The following EDA variants were observed in gnomAD, a reference collection of about 807,000 sequenced individuals.
The protein encoded by EDA is ectodysplasin-A.
A neutral mutation model predicts 23.6 loss-of-function variants in EDA; 2 were observed. The ratio of observed to expected loss-of-function variants is 0.08; its 90% CI spans 0.03 to 0.27. The LOEUF is 0.27. Among genes scored for constraint, EDA ranks in the 10% least tolerant of loss-of-function variants. The probability of loss-of-function intolerance (pLI) is 1.00; values close to 1 mark genes in which losing one functional copy is unlikely to be tolerated. For missense variants in EDA, 229 were observed against 324.2 expected (o/e 0.71, Z 2.26); for synonymous variants, 131 against 132.0 (o/e 0.99, Z 0.05).
chrX:69,753,546 A>G (rs1483059864), intron 1 of EDA, among the ~76,000 whole-genome samples: 2 of 112,188 alleles, frequency 1.8e-5, no homozygotes, highest in Middle Eastern at 4.6e-3. Flanking sequence ...AGAAGAATGT[A>G]TATTCTGTTG....
intron 1 of EDA, among the ~76,000 whole-genome samples, chrX:69,865,548 C>T (rs1351080555): frequency 9.0e-6 from 1 of 111,521 alleles, no homozygotes; most frequent in Non-Finnish European, 1.9e-5. Context: ...AGATCGTGCC[C>T]ACCAGATTAA....
intron 1 of EDA, among the ~76,000 whole-genome samples, chrX:69,843,142 A>G (rs527645058): frequency 8.9e-6 from 1 of 112,493 alleles, no homozygotes; most frequent in Non-Finnish European, 1.9e-5. Context: ...CTAGAAAAAT[A>G]AGGTGCAGCA....
chrX:69,831,959 G>A (rs745843975), intron 1 of EDA, among the ~76,000 whole-genome samples: 2 of 110,763 alleles, frequency 1.8e-5, no homozygotes, highest in East Asian at 2.8e-4. Context: ...ATGGGTAGAC[G>A]GCAAAAATTT....
chrX:69,636,263 T>A (rs1340866025), intron 1 of EDA, among the ~76,000 whole-genome samples: 3 of 109,803 alleles, frequency 2.7e-5, no homozygotes, highest in African/African-American at 1.0e-4. Flanking sequence ...TCTTCCTTGC[T>A]CCCTTTCTCA....
At chrX:69,802,643 T>C (rs1347285535) in intron 1 of EDA, among the ~76,000 whole-genome samples, 1 of 110,994 alleles carries the variant, frequency 9.0e-6, no homozygotes, top group Non-Finnish European at 1.9e-5. Flanking sequence ...TAACCAACTG[T>C]ATGTCCTTAG....
intron 2 of EDA, among the ~76,000 whole-genome samples, chrX:69,961,308 C>T (rs760164440): frequency 3.6e-5 from 4 of 111,193 alleles, no homozygotes; most frequent in African/African-American, 1.3e-4. Context: ...AGATATTAAG[C>T]TTAATGATCT....
chrX:69,772,144 G>A (rs1314949549), intron 1 of EDA, among the ~76,000 whole-genome samples: 1 of 110,809 alleles, frequency 9.0e-6, no homozygotes, highest in African/African-American at 3.3e-5. Context: ...ATATTTTCTA[G>A]AGACAAGTTT....
chrX:69,630,870 A>C (rs991735837), intron 1 of EDA, among the ~76,000 whole-genome samples: 1 of 111,396 alleles, frequency 9.0e-6, no homozygotes, highest in African/African-American at 3.3e-5. Context: ...TATTTCCACA[A>C]GTTGTAGAGG....
intron 1 of EDA, among the ~76,000 whole-genome samples, chrX:69,783,236 T>C (rs959968805): frequency 5.4e-5 from 6 of 111,890 alleles, no homozygotes; most frequent in Non-Finnish European, 1.1e-4. Flanking sequence ...ATGGAAATCT[T>C]TAAGCAGTTT....
At chrX:69,761,864 A>G (rs1360011120) in intron 1 of EDA, among the ~76,000 whole-genome samples, 1 of 111,827 alleles carries the variant, frequency 8.9e-6, no homozygotes, top group Non-Finnish European at 1.9e-5. Context: ...AACCAAACAA[A>G]TATGCTTGTT....
intron 1 of EDA, among the ~76,000 whole-genome samples, chrX:69,678,303 G>A (rs1235357518): frequency 1.9e-4 from 21 of 109,578 alleles, no homozygotes; most frequent in African/African-American, 4.6e-4. Flanking sequence ...TTGGTGATGC[G>A]GGCTCTTTTT....
Position 69,959,316 on chromosome X carries a change from C to G in EDA, c.502+2184C>G, listed in dbSNP as rs151167075. On this transcript the variant is annotated intron_variant, in intron 2 of 7. Coordinates refer to ENST00000374552, the MANE Select transcript of EDA (RefSeq NM_001399.5). The stretch of plus-strand genomic sequence containing the variant: ...ATAGCTTGGAGGAATCCAAGAGTCC[C>G]TTAGAGTTAGGAGTATAGAATGCCT... Among the ~76,000 whole-genome samples, 652 of 111,460 alleles carry G rather than the reference C, an allele frequency of 5.8e-3. 7 individuals carry two copies. Among genetic ancestry groups the G allele is most frequent in the African/African-American group, 0.02 (625 of 30,667 alleles).
chrX:69,864,035 GTAGAGC>G (rs1419917989), intron 1 of EDA, among the ~76,000 whole-genome samples: 1 of 111,206 alleles, frequency 9.0e-6, no homozygotes, highest in African/African-American at 3.3e-5. Flanking sequence ...AGGTGCTGGG[GTAGAGC>G]TAACTTAATT....
chrX:69,790,163 T>C (rs1336180010), intron 1 of EDA, among the ~76,000 whole-genome samples: 1 of 111,350 alleles, frequency 9.0e-6, no homozygotes, highest in Non-Finnish European at 1.9e-5. Flanking sequence ...AGTAATTCAA[T>C]AGGGCCAATG....
At chrX:69,876,004 A>C (rs186220114) in intron 1 of EDA, among the ~76,000 whole-genome samples, 1 of 112,170 alleles carries the variant, frequency 8.9e-6, no homozygotes, top group Non-Finnish European at 1.9e-5. Flanking sequence ...TGGCATGGAC[A>C]TGGTGAAAAG....
At chrX:69,889,081 T>C (rs193002200) in intron 1 of EDA, among the ~76,000 whole-genome samples, 4 of 91,676 alleles carry the variant, frequency 4.4e-5, no homozygotes, top group Non-Finnish European at 8.6e-5. Context: ...GACAAGGGTT[T>C]CAATTTCTCC....
chrX:69,683,189 CATT>C (rs773991758), intron 1 of EDA, among the ~76,000 whole-genome samples: 3 of 111,393 alleles, frequency 2.7e-5, no homozygotes, highest in Admixed American at 9.6e-5. Context: ...TCTTGGCTGT[CATT>C]GTTGTTATTA....
intron 2 of EDA, among the ~76,000 whole-genome samples, chrX:69,976,163 T>C (rs1050300758): frequency 3.6e-5 from 4 of 112,215 alleles, no homozygotes; most frequent in African/African-American, 9.7e-5. Context: ...TCAGAGAAAT[T>C]TATGATGTAA....
intron 1 of EDA, among the ~76,000 whole-genome samples, chrX:69,908,376 A>G (rs1019319735): frequency 2.7e-5 from 3 of 110,369 alleles, no homozygotes; most frequent in South Asian, 7.7e-4. Context: ...AACTCTGTGT[A>G]TTCATTTCAA....
Sources: allele counts gnomAD v4.1 joint callset (sites outside exome capture counted in the v4.1 genomes callset), GRCh38; gene constraint gnomAD v4.1.1; transcripts MANE v1.5; gene names NCBI Gene and HGNC (gene_info 2026-07-23, HGNC 2026-07-21).